CDH23: variants seen among roughly 807,000 people sequenced by gnomAD.
CDH23 encodes cadherin related 23, also known as cadherin-23.
A neutral mutation model predicts 317.1 loss-of-function variants in CDH23; 189 were observed. The ratio of observed to expected loss-of-function variants is 0.60; its 90% CI spans 0.53 to 0.67. The LOEUF (loss-of-function observed/expected upper bound fraction) is 0.67, where lower values mean the gene tolerates loss of function less well. Among genes scored for constraint, CDH23 ranks in the 30% least tolerant of loss-of-function variants. The probability of loss-of-function intolerance (pLI) is 0.00; values close to 1 mark genes in which losing one functional copy is unlikely to be tolerated. For missense variants in CDH23, 4,401 were observed against 4,592.4 expected (o/e 0.96, Z 1.20); for synonymous variants, 1,839 against 1,876.8 (o/e 0.98, Z 0.52).
chr10:71,811,998 C>G lies in CDH23; in HGVS notation c.9363C>G (p.Asn3121Lys). 1 of 1,613,018 alleles carries G rather than the reference C, an allele frequency of 6.2e-7. No individual in the cohort carries two copies. Among genetic ancestry groups the G allele is most frequent in the Non-Finnish European group, 8.5e-7 (1 of 1,179,578 alleles). Residue 3121 changes from asparagine to lysine, a missense_variant, in exon 66 of 70, where the codon AAC becomes AAG. Physicochemically the swap from Asn to Lys is moderately conservative, Grantham distance 94 (BLOSUM62 0). Transcript: ENST00000224721. ...ACATCATGGACATGCCTAACACCAA[C>G]AAGTACTCCTTTGATGGGTGAGTGG... ...FIDIMDMPNTNKYSFDGANPV... is the reference protein window; with the variant it reads ...FIDIMDMPNTKKYSFDGANPV...
intron 11 of CDH23, among the ~76,000 whole-genome samples, chr10:71,637,130 A>G (rs1191655415): frequency 2.6e-5 from 4 of 152,156 alleles, no homozygotes; most frequent in Non-Finnish European, 1.5e-5. Flanking sequence ...GAATTAAGTG[A>G]AAGGATGGAC....
chr10:71,795,261 T>C (rs895109266), intron 48 of CDH23, among the ~76,000 whole-genome samples: 3 of 152,108 alleles, frequency 2.0e-5, no homozygotes, highest in Admixed American at 2.0e-4. Flanking sequence ...GTGGTCATAG[T>C]GTGCAGCGAG....
intron 37 of CDH23, 124 bp downstream of exon 37, chr10:71,741,074 A>AT: frequency 8.9e-7 from 1 of 1,128,864 alleles, no homozygotes; most frequent in Non-Finnish European, 1.3e-6. Flanking sequence ...ATGGATGGGA[A>AT]CTGTGGCTCA....
chr10:71,503,767 G>C (rs1853475216), intron 3 of CDH23, among the ~76,000 whole-genome samples: 1 of 152,168 alleles, frequency 6.6e-6, no homozygotes. Context: ...ATTTGAGGAA[G>C]GCCTCCCCAA....
At chr10:71,510,872 C>T (rs1853931285) in intron 4 of CDH23, 82 bp from the exon 5 acceptor site, 2 of 1,364,380 alleles carry the variant, frequency 1.5e-6, no homozygotes, top group Admixed American at 1.7e-5. Context: ...ATCCTGGAGC[C>T]CCTCCCGCCC....
At chr10:71,417,291 G>C (rs1232567475) in intron 1 of CDH23, among the ~76,000 whole-genome samples, 1 of 152,032 alleles carries the variant, frequency 6.6e-6, no homozygotes, top group Non-Finnish European at 1.5e-5. Flanking sequence ...TGGCCAGGCT[G>C]TTCTCAAACT....
intron 1 of CDH23, among the ~76,000 whole-genome samples, chr10:71,416,784 C>G (rs948655837): frequency 3.9e-5 from 6 of 152,124 alleles, no homozygotes; most frequent in African/African-American, 1.4e-4. Context: ...CCTCCCACCC[C>G]AGTCTCCCAA....
At chr10:71,543,334 C>T (rs920972309) in intron 6 of CDH23, among the ~76,000 whole-genome samples, 3 of 152,226 alleles carry the variant, frequency 2.0e-5, no homozygotes, top group Non-Finnish European at 4.4e-5. Context: ...CTGGAAGAAA[C>T]CTTGCTGTAG....
intron 2 of CDH23, among the ~76,000 whole-genome samples, chr10:71,442,505 C>G (rs963781069): frequency 6.6e-6 from 1 of 152,218 alleles, no homozygotes; most frequent in Non-Finnish European, 1.5e-5. Flanking sequence ...ATCTCTACCC[C>G]CCTACCTGGT....
In CDH23 at chr10:71,798,594, G is replaced by T; in HGVS notation, c.7054+16G>T. The T allele has an allele frequency of 6.3e-7, 1 of 1,581,822 alleles. No individual in the cohort carries two copies. Among genetic ancestry groups the T allele is most frequent in the Non-Finnish European group, 8.6e-7 (1 of 1,160,056 alleles). Reference sequence around the variant, plus strand: ...TCCTCGGCAGGTAGGTTAGAAATCTGTCAGAGGAGGGCTGGGGGACATATA... The same window carrying T: ...TCCTCGGCAGGTAGGTTAGAAATCTTTCAGAGGAGGGCTGGGGGACATATA... On this transcript the variant is annotated intron_variant, in intron 50 of 69. Coordinates refer to ENST00000224721, the MANE Select transcript of CDH23 (RefSeq NM_022124.6).
chr10:71,645,271 A>G (rs1862780055), intron 12 of CDH23, among the ~76,000 whole-genome samples: 3 of 152,200 alleles, frequency 2.0e-5, no homozygotes, highest in Non-Finnish European at 4.4e-5. Flanking sequence ...ATCCCTGGCC[A>G]TTCACATTGC....
chr10:71,793,489 T>A lies in CDH23; in HGVS notation c.6561T>A (p.Ala2187=). 6.2e-7 allele frequency: 1 copy of A among 1,613,998 alleles called. No individual in the cohort carries two copies. The change falls in exon 48 of 70, where the codon GCT becomes GCA. Residue 2187 remains alanine (A), a synonymous_variant. Transcript: ENST00000224721. ...AGACAGTGAGCGTGCTGGAGTCGGC[T>A]GAGCCAGGCACTGTCATTGCCAATA... ...PIQTVSVLES[A]EPGTVIANIT...
chr10:71,449,333 T>A (rs1445263218), intron 3 of CDH23, among the ~76,000 whole-genome samples: 1 of 152,136 alleles, frequency 6.6e-6, no homozygotes, highest in East Asian at 1.9e-4. Context: ...GAGGCCTCAT[T>A]ACCTGGCTTC....
rs763742877 is a variant in CDH23, at chr10:71,645,854, G to A, written c.1164G>A (p.Val388=). Residue 388 remains valine, a synonymous_variant, in exon 13 of 70, where the codon GTG becomes GTA. Transcript: ENST00000224721. ...AGGGCCTGAACAGCATGTTTGAGGT[G>A]TACTTGGTGGGGAACAACTCCCACC... ...ENLGLNSMFE[V]YLVGNNSHHF... The A allele has an allele frequency of 1.9e-6, 3 of 1,612,356 alleles. No individual in the cohort carries two copies. The Admixed American group carries it at 5.0e-5, about 27-fold the overall frequency.
chr10:71,634,424 T>C (rs1025819466), intron 11 of CDH23, among the ~76,000 whole-genome samples: 3 of 152,178 alleles, frequency 2.0e-5, no homozygotes, highest in African/African-American at 4.8e-5. Context: ...GAGTTTGCCA[T>C]TGGAGTGAGG....
At chr10:71,535,354 C>T (rs1426059069) in intron 6 of CDH23, among the ~76,000 whole-genome samples, 1 of 152,214 alleles carries the variant, frequency 6.6e-6, no homozygotes. Flanking sequence ...GGCGTGGCCC[C>T]TCCTGCCTTT....
At chr10:71,685,604 CTAG>C (rs1176289104) in intron 18 of CDH23, among the ~76,000 whole-genome samples, 9 of 152,342 alleles carry the variant, frequency 5.9e-5, no homozygotes, top group African/African-American at 1.9e-4. Flanking sequence ...CCACAGTGGC[CTAG>C]TAGAAGAGGC....
At chr10:71,564,798 A>G (rs965533892) in intron 6 of CDH23, among the ~76,000 whole-genome samples, 1 of 152,214 alleles carries the variant, frequency 6.6e-6, no homozygotes, top group Non-Finnish European at 1.5e-5. Context: ...GGTAGAATTC[A>G]CCAGTGAAGC....
chr10:71,741,863 G>T lies in CDH23; in HGVS notation c.4787G>T (p.Arg1596Leu), dbSNP rs553571175. 6.2e-7 allele frequency: 1 copy of T among 1,610,666 alleles called. No homozygotes were observed. Among genetic ancestry groups the T allele is most frequent in the Non-Finnish European group, 8.5e-7 (1 of 1,178,770 alleles). Residue 1596 changes from arginine (R) to leucine (L), a missense_variant, in exon 38 of 70, where the codon CGC becomes CTC. Around this residue, in one of 3 missense-constraint regions of CDH23, gnomAD observed 3,068 missense variants for 3,203.3 expected, o/e 0.96. Transcript: ENST00000224721. ...CGGCCTGCCCCGCCTGACCGCGAGC[G>T]CCAGAGCTTCTACCACCTGGTGGCC... ...ATRPAPPDRE[R>L]QSFYHLVATV...
Sources: allele counts gnomAD v4.1 joint callset (sites outside exome capture counted in the v4.1 genomes callset), GRCh38; gene constraint gnomAD v4.1.1; regional missense constraint gnomAD v4.1.1; transcripts MANE v1.5; gene names NCBI Gene and HGNC (gene_info 2026-07-23, HGNC 2026-07-21).